Variants in TENM1 observed in about 807,000 individuals in gnomAD.
TENM1 encodes the protein teneurin transmembrane protein 1, also known as teneurin-1.
A neutral mutation model predicts 174.8 loss-of-function variants in TENM1; 35 were observed. The ratio of observed to expected loss-of-function variants is 0.20; its 90% CI spans 0.15 to 0.27. The LOEUF is 0.27. Among genes scored for constraint, TENM1 ranks in the 10% least tolerant of loss-of-function variants. The probability of loss-of-function intolerance (pLI) is 1.00; values close to 1 mark genes in which losing one functional copy is unlikely to be tolerated. For synonymous variants in TENM1, 781 were observed against 798.7 expected, an observed-to-expected ratio of 0.98 and a Z score of 0.37; for missense variants, 1,633 against 2,130.1, an observed-to-expected ratio of 0.77 and a Z score of 4.59.
chrX:124,749,148 A>G (rs1294318257), intron 3 of TENM1, among the ~76,000 whole-genome samples: 1 of 111,554 alleles, frequency 9.0e-6, no homozygotes, highest in Non-Finnish European at 1.9e-5. Flanking sequence ...ATGAGTCAAT[A>G]TAAGAACAGT....
At chrX:124,546,382 G>A (rs1248083867) in intron 15 of TENM1, among the ~76,000 whole-genome samples, 1 of 111,671 alleles carries the variant, frequency 9.0e-6, no homozygotes, top group Non-Finnish European at 1.9e-5. Flanking sequence ...TTGCCTTATG[G>A]GTTGGGCTTT....
intron 4 of TENM1, among the ~76,000 whole-genome samples, chrX:124,706,620 T>C (rs1466401334): frequency 1.8e-5 from 2 of 112,241 alleles, no homozygotes; most frequent in African/African-American, 3.2e-5. Context: ...TATTGTAATA[T>C]GGGCATTTTG....
At chrX:125,126,732 A>G in the TENM1 span, among the ~76,000 whole-genome samples, 1 of 110,910 alleles carries the variant, frequency 9.0e-6, no homozygotes, top group Non-Finnish European at 1.9e-5. Flanking sequence ...GCCAATGAAA[A>G]CTTGTATTTC....
the TENM1 span, among the ~76,000 whole-genome samples, chrX:125,111,582 TCTTA>T: frequency 1.8e-5 from 2 of 112,000 alleles, no homozygotes; most frequent in African/African-American, 6.5e-5. Flanking sequence ...ATATTTACTA[TCTTA>T]CTTTATCCTT....
At chrX:125,053,111 G>A in the TENM1 span, among the ~76,000 whole-genome samples, 1 of 111,953 alleles carries the variant, frequency 8.9e-6, no homozygotes, top group Non-Finnish European at 1.9e-5. Context: ...GAGACTGTGA[G>A]AATCTTAGAG....
intron 25 of TENM1, among the ~76,000 whole-genome samples, chrX:124,418,271 C>T (rs1258504962): frequency 9.0e-6 from 1 of 111,585 alleles, no homozygotes; most frequent in African/African-American, 3.3e-5. Context: ...GGCTGCCTTA[C>T]TCTTCCTTGA....
At chrX:124,835,110 C>T (rs752162498) in intron 3 of TENM1, among the ~76,000 whole-genome samples, 5 of 111,995 alleles carry the variant, frequency 4.5e-5, no homozygotes, top group Middle Eastern at 9.3e-3. Flanking sequence ...TAATTCCACG[C>T]TCTCTCATGC....
intron 3 of TENM1, among the ~76,000 whole-genome samples, chrX:124,828,752 G>A (rs1288599798): frequency 9.0e-6 from 1 of 111,510 alleles, no homozygotes; most frequent in African/African-American, 3.3e-5. Context: ...AATCCATCCT[G>A]TATATGCCTG....
rs140356944 is a variant in TENM1 at position 124,772,648 on chromosome X, G to A, written c.536-35451C>T. 6.5e-3 allele frequency among the ~76,000 whole-genome samples: 713 copies of A among 110,482 alleles called. 4 individuals are homozygous for A. The highest frequency in any genetic ancestry group is 0.011 in the Non-Finnish European group (601 of 52,754). On this transcript the variant is annotated intron_variant, in intron 3 of 31. Transcript: ENST00000422452. ...GTAAATAATAATCTGAAATCATCTC[G>A]GTAAAAACTCTAAAATAATATTGTA...
At chrX:124,615,590 C>T (rs1012663420) in intron 11 of TENM1, among the ~76,000 whole-genome samples, 6 of 112,010 alleles carry the variant, frequency 5.4e-5, no homozygotes, top group African/African-American at 1.9e-4. Flanking sequence ...ACAATTTATC[C>T]AAAACATCTT....
the TENM1 span, among the ~76,000 whole-genome samples, chrX:124,979,036 G>A: frequency 8.9e-6 from 1 of 112,099 alleles, no homozygotes; most frequent in Non-Finnish European, 1.9e-5. Context: ...ACTGGGTGTG[G>A]GCATCATTCA....
At chrX:125,098,172 G>A in the TENM1 span, among the ~76,000 whole-genome samples, 5 of 111,550 alleles carry the variant, frequency 4.5e-5, no homozygotes, top group Non-Finnish European at 9.4e-5. Context: ...GCTGAGGCAG[G>A]AGAATGGTGT....
chrX:125,154,369 C>T, the TENM1 span, among the ~76,000 whole-genome samples: 1 of 112,009 alleles, frequency 8.9e-6, no homozygotes, highest in Non-Finnish European at 1.9e-5. Flanking sequence ...GGCAAAGTTT[C>T]TGAGACGCAA....
At chrX:124,707,923 T>C (rs2052950301) in intron 4 of TENM1, among the ~76,000 whole-genome samples, 1 of 112,461 alleles carries the variant, frequency 8.9e-6, no homozygotes, top group African/African-American at 3.2e-5. Flanking sequence ...CCGCCAGCAT[T>C]TGGGGACTTC....
intron 22 of TENM1, among the ~76,000 whole-genome samples, chrX:124,459,067 C>T (rs1158578958): frequency 9.0e-6 from 1 of 111,262 alleles, no homozygotes; most frequent in Non-Finnish European, 1.9e-5. Flanking sequence ...AATTGCAATG[C>T]CATTAGATAA....
At chrX:124,686,877 C>G (rs1458635591) in intron 5 of TENM1, among the ~76,000 whole-genome samples, 1 of 111,752 alleles carries the variant, frequency 8.9e-6, no homozygotes, top group Non-Finnish European at 1.9e-5. Flanking sequence ...AGGATGCCCT[C>G]TCTCACCACT....
At chrX:124,542,603 T>C (rs2048344988) in intron 15 of TENM1, among the ~76,000 whole-genome samples, 1 of 111,420 alleles carries the variant, frequency 9.0e-6, no homozygotes, top group African/African-American at 3.3e-5. Context: ...GTTCTTAAAA[T>C]TTACTCTAAG....
chrX:125,164,164 G>C, the TENM1 span, among the ~76,000 whole-genome samples: 11 of 111,615 alleles, frequency 9.9e-5, no homozygotes, highest in Non-Finnish European at 1.5e-4. Flanking sequence ...CTAGTTACTT[G>C]ACTGATTTCA....
intron 3 of TENM1, among the ~76,000 whole-genome samples, chrX:124,820,278 C>T (rs2056009568): frequency 9.0e-6 from 1 of 111,245 alleles, no homozygotes; most frequent in Non-Finnish European, 1.9e-5. Flanking sequence ...CATGTCTTTC[C>T]TTATACAGTT....
Sources: gnomAD v4.1 joint callset for allele counts (sites outside exome capture counted in the v4.1 genomes callset) on GRCh38, gnomAD v4.1.1 for gene constraint, MANE v1.5 for transcripts, NCBI Gene and HGNC (gene_info 2026-07-23, HGNC 2026-07-21) for gene names.